The following MROH1 variants were observed in gnomAD, a reference collection of about 807,000 sequenced individuals.
MROH1 encodes the protein maestro heat like repeat family member 1, also known as maestro heat-like repeat-containing protein family member 1.
MROH1 carries 117 observed loss-of-function variants against 116.5 expected under a neutral mutation model. The observed-to-expected ratio is 1.00, with a 90% CI of 0.86 to 1.17. The LOEUF is 1.17. Among genes scored for constraint, MROH1 ranks in the 50% most tolerant of loss-of-function variants. MROH1 has a pLI of 0.00. For synonymous variants in MROH1, 921 were observed against 583.9 expected, an observed-to-expected ratio of 1.58 and a Z score of -8.32; for missense variants, 1,873 against 1,338.5, an observed-to-expected ratio of 1.40 and a Z score of -6.23.
chr8:144,211,112 C>T (rs1834000336), intron 12 of MROH1, among the ~76,000 whole-genome samples: 1 of 152,190 alleles, frequency 6.6e-6, no homozygotes, highest in African/African-American at 2.4e-5. Flanking sequence ...GTTTTGCTGA[C>T]TGCATTGTCA....
intron 3 of MROH1, among the ~76,000 whole-genome samples, chr8:144,167,517 G>A (rs533469028): frequency 2.2e-4 from 31 of 141,184 alleles, no homozygotes; most frequent in Admixed American, 3.5e-4. Flanking sequence ...TTGTTGGGGT[G>A]GAGTGGCCGG....
At chr8:144,261,086 A>G in intron 41 of MROH1, 28 bp from the exon 42 acceptor site, 1 of 774,696 alleles carries the variant, frequency 1.3e-6, no homozygotes, top group Middle Eastern at 3.2e-4. Context: ...GGGCGGGGCC[A>G]GGCGGCACTG....
chr8:144,160,723 A>G (rs1819309047), intron 1 of MROH1, among the ~76,000 whole-genome samples: 1 of 141,800 alleles, frequency 7.1e-6, no homozygotes, highest in East Asian at 1.9e-4. Context: ...CCCACTGGCT[A>G]GAACCCAGGC....
chr8:144,156,241 G>GAAAAAAA (rs1218482716), intron 1 of MROH1, among the ~76,000 whole-genome samples: 2 of 58,504 alleles, frequency 3.4e-5, no homozygotes, highest in African/African-American at 8.8e-5. Context: ...CCGTCTCAAA[G>GAAAAAAA]AAAAAAAAAA....
intron 3 of MROH1, among the ~76,000 whole-genome samples, chr8:144,166,846 C>A (rs556589927): frequency 3.3e-5 from 5 of 152,254 alleles, no homozygotes; most frequent in African/African-American, 1.2e-4. Flanking sequence ...CGGCCACAGC[C>A]GGAAAAGCAG....
chr8:144,257,169 C>T (rs1844025488), intron 35 of MROH1, among the ~76,000 whole-genome samples: 1 of 152,372 alleles, frequency 6.6e-6, no homozygotes, highest in African/African-American at 2.4e-5. Context: ...CTGGAAGCCC[C>T]CTTGGCACCC....
chr8:144,238,901 G>A (rs1840494404), intron 15 of MROH1, 38 bp downstream of exon 15: 1 of 769,842 alleles, frequency 1.3e-6, no homozygotes. Flanking sequence ...GGCGACAACA[G>A]AGCTCTCCAG....
chr8:144,248,315 G>A (rs998193380), intron 31 of MROH1, among the ~76,000 whole-genome samples: 1 of 152,190 alleles, frequency 6.6e-6, no homozygotes, highest in Non-Finnish European at 1.5e-5. Context: ...GGGAAAAAAA[G>A]AGTCCTTCCA....
Position 144,245,261 on chromosome 8 carries a change from G to A in MROH1, c.2871+1G>A. The stretch of plus-strand genomic sequence containing the variant: ...CTTCCTGGAGCACCTGCGTGTCAGC[G>A]TGAGTACCTGGGTCCCTGGCCCGGG... On this transcript the variant is annotated splice_donor_variant, in intron 29 of 43. Transcript: ENST00000326134. LOFTEE classifies it high-confidence loss of function. 3 of 776,940 alleles carry A rather than the reference G, an allele frequency of 3.9e-6. No individual in the cohort carries two copies. The South Asian group carries it at 4.0e-5, about 10-fold the overall frequency. 48.1% of individuals were successfully genotyped at this position (776,940 alleles called of 1,614,324 possible).
At chr8:144,164,945 CTG>C (rs1458625343) in intron 3 of MROH1, among the ~76,000 whole-genome samples, 2 of 152,090 alleles carry the variant, frequency 1.3e-5, no homozygotes, top group Non-Finnish European at 2.9e-5. Context: ...CATCTCATAA[CTG>C]GAGGGGCTGA....
At chr8:144,217,246 G>A (rs1470729771) in intron 12 of MROH1, among the ~76,000 whole-genome samples, 1 of 152,204 alleles carries the variant, frequency 6.6e-6, no homozygotes, top group Non-Finnish European at 1.5e-5. Context: ...CCACATGGGT[G>A]CTAAAAGGTG....
chr8:144,235,385 C>T (rs1178439309), intron 14 of MROH1, among the ~76,000 whole-genome samples: 1 of 152,156 alleles, frequency 6.6e-6, no homozygotes, highest in African/African-American at 2.4e-5. Context: ...GCTAGAACGT[C>T]CAATACTGTT....
At chr8:144,247,085 G>A (rs1314482908) in intron 29 of MROH1, among the ~76,000 whole-genome samples, 1 of 126,786 alleles carries the variant, frequency 7.9e-6, no homozygotes, top group Admixed American at 7.9e-5. Flanking sequence ...TGGTGTAGAC[G>A]AGGTGTGGTC....
At chr8:144,238,166 G>GT (rs1323261757) in intron 14 of MROH1, among the ~76,000 whole-genome samples, 10,082 of 138,740 alleles carry the variant, frequency 0.073, 988 homozygotes, top group African/African-American at 0.23. Flanking sequence ...AAATATCACT[G>GT]TTTTTTTTTT....
chr8:144,225,971 A>G (rs535263958), intron 14 of MROH1, among the ~76,000 whole-genome samples: 17 of 136,878 alleles, frequency 1.2e-4, no homozygotes, highest in African/African-American at 3.9e-4. Context: ...CTGGAGTGCA[A>G]TGGCGTGATC....
At chr8:144,195,218 A>AAAAAAAAAAAAAAAAAAAAAAC (rs1829571783) in intron 10 of MROH1, among the ~76,000 whole-genome samples, 3 of 141,978 alleles carry the variant, frequency 2.1e-5, no homozygotes, top group South Asian at 2.4e-4. Flanking sequence ...AAAAAAAAAA[A>AAAAAAAAAAAAAAAAAAAAAAC]AGGCCGAGTG....
intron 43 of MROH1, 36 bp downstream of exon 43, chr8:144,261,385 C>CT (rs1407312646): frequency 1.4e-6 from 1 of 700,734 alleles, no homozygotes; most frequent in Non-Finnish European, 2.6e-6. Flanking sequence ...CCGCTGGGCC[C>CT]TGCTGACCCT....
intron 4 of MROH1, among the ~76,000 whole-genome samples, chr8:144,174,269 T>C (rs569665727): frequency 2.0e-5 from 3 of 152,218 alleles, no homozygotes; most frequent in Admixed American, 2.0e-4. Flanking sequence ...AGGATTTTAC[T>C]TGTAGCTTGG....
intron 4 of MROH1, among the ~76,000 whole-genome samples, chr8:144,170,864 G>A (rs1822258455): frequency 6.6e-6 from 1 of 152,242 alleles, no homozygotes; most frequent in Non-Finnish European, 1.5e-5. Flanking sequence ...AGACTCCTCA[G>A]GGGCCGTCAG....
Sources: allele counts gnomAD v4.1 joint callset (sites outside exome capture counted in the v4.1 genomes callset), GRCh38; gene constraint gnomAD v4.1.1; transcripts MANE v1.5; gene names NCBI Gene and HGNC (gene_info 2026-07-23, HGNC 2026-07-21).